Variants in LOC728743 observed in about 807,000 individuals in gnomAD.
chr7:150,408,327 G>A, the LOC728743 span: 44 of 361,194 alleles, frequency 1.2e-4, no homozygotes, highest in African/African-American at 7.9e-4. Flanking sequence ...ATGGGATCCC[G>A]GGAGAGGGGC....
At chr7:150,408,070 C>T in the LOC728743 span, 1 of 376,840 alleles carries the variant, frequency 2.7e-6, no homozygotes. Context: ...CCGCGCCGCA[C>T]CCGCGCCGCC....
At chr7:150,400,963 C>G in the LOC728743 span, 2 of 152,214 alleles carry the variant, frequency 1.3e-5, no homozygotes, top group Non-Finnish European at 2.9e-5. Flanking sequence ...TAGATCGGGT[C>G]TATGGCCAGG....
At chr7:150,409,796 C>T in the LOC728743 span, among the ~76,000 whole-genome samples, 10 of 152,180 alleles carry the variant, frequency 6.6e-5, no homozygotes, top group African/African-American at 2.2e-4. Flanking sequence ...GCTGGAGACT[C>T]GTCCCTCCCC....
chr7:150,403,329 G>A, the LOC728743 span, among the ~76,000 whole-genome samples: 1 of 152,148 alleles, frequency 6.6e-6, no homozygotes, highest in Admixed American at 6.5e-5. This position sits in a 1 kb window ranked among gnomAD's most constrained non-coding sequence, Gnocchi z 5.1. Flanking sequence ...CAGGTTTGAG[G>A]TGGTACTGCC....
At chr7:150,403,494 TTC>T in the LOC728743 span, among the ~76,000 whole-genome samples, 1 of 152,204 alleles carries the variant, frequency 6.6e-6, no homozygotes, top group Non-Finnish European at 1.5e-5. The surrounding 1 kb of genome is among the most constrained non-coding windows in gnomAD (Gnocchi z 5.1). Flanking sequence ...GTGTCCCCAT[TTC>T]TCTTATGGTC....
chr7:150,401,527 G>A, the LOC728743 span, among the ~76,000 whole-genome samples: 1 of 152,248 alleles, frequency 6.6e-6, no homozygotes, highest in Non-Finnish European at 1.5e-5. Context: ...AGCAGGAGGA[G>A]TATTGGGGCC....
the LOC728743 span, chr7:150,408,011 C>T: frequency 1.5e-5 from 6 of 397,654 alleles, no homozygotes; most frequent in South Asian, 1.3e-4. Flanking sequence ...CCGCTGCTTC[C>T]GCGAGCCGCG....
chr7:150,402,810 C>T, the LOC728743 span, among the ~76,000 whole-genome samples: 7 of 152,098 alleles, frequency 4.6e-5, no homozygotes, highest in African/African-American at 1.7e-4. Flanking sequence ...GGAGCTGCCC[C>T]GAGGAGGCCC....
chr7:150,408,198 C>T, the LOC728743 span: 1 of 392,304 alleles, frequency 2.5e-6, no homozygotes, highest in Non-Finnish European at 4.5e-6. Flanking sequence ...GAGGGCCAGG[C>T]GGCCCACTTA....
the LOC728743 span, chr7:150,408,512 A>T: frequency 7.5e-6 from 2 of 267,980 alleles, no homozygotes; most frequent in Non-Finnish European, 1.4e-5. Context: ...GGCTGGCCAG[A>T]GCCCCTCTCA....
At chr7:150,408,772 A>G in the LOC728743 span, among the ~76,000 whole-genome samples, 2 of 152,216 alleles carry the variant, frequency 1.3e-5, no homozygotes, top group African/African-American at 4.8e-5. Context: ...TTCATGTTTC[A>G]GTTTACTCAT....
At chr7:150,402,367 C>T in the LOC728743 span, among the ~76,000 whole-genome samples, 1 of 152,234 alleles carries the variant, frequency 6.6e-6, no homozygotes, top group South Asian at 2.1e-4. Context: ...TCAGCCCTCA[C>T]AGGGCAGCAG....
chr7:150,410,177 T>C, the LOC728743 span: 1 of 398,530 alleles, frequency 2.5e-6, no homozygotes, highest in East Asian at 3.6e-5. Context: ...GTGGGCAGGA[T>C]CTTAAGACCC....
chr7:150,400,971 A>G, the LOC728743 span: 4 of 152,358 alleles, frequency 2.6e-5, no homozygotes, highest in East Asian at 5.8e-4. Flanking sequence ...GTCTATGGCC[A>G]GGTAAGTGCA....
chr7:150,402,159 A>AG, the LOC728743 span, among the ~76,000 whole-genome samples: 1 of 152,248 alleles, frequency 6.6e-6, no homozygotes, highest in Non-Finnish European at 1.5e-5. Context: ...AAGGGAAAAA[A>AG]GGGTTTTTCC....
chr7:150,409,148 G>GT, the LOC728743 span, among the ~76,000 whole-genome samples: 5 of 148,696 alleles, frequency 3.4e-5, no homozygotes, highest in South Asian at 2.2e-4. Context: ...CAAGGGAGGG[G>GT]GGGTCCTGAT....
At chr7:150,402,869 G>A in the LOC728743 span, among the ~76,000 whole-genome samples, 531 of 152,318 alleles carry the variant, frequency 3.5e-3, 2 homozygotes, top group African/African-American at 0.012. Context: ...TGACTACAGT[G>A]CAGAGTCTGG....
At chr7:150,412,141 C>T in the LOC728743 span, 1 of 152,480 alleles carries the variant, frequency 6.6e-6, no homozygotes, top group South Asian at 2.1e-4. Context: ...GACTGGGCTC[C>T]TAACTCTCAG....
At chr7:150,407,836 G>A in the LOC728743 span, 49 of 417,962 alleles carry the variant, frequency 1.2e-4, no homozygotes, top group Non-Finnish European at 1.8e-4. Flanking sequence ...AGTGCGGCAA[G>A]GCCTTCAGCG....
Sources: allele counts gnomAD v4.1 joint callset (sites outside exome capture counted in the v4.1 genomes callset), GRCh38; gene constraint gnomAD v4.1.1; non-coding constraint Gnocchi (gnomAD v3.1); transcripts MANE v1.5.